The following TENM4 variants were observed in gnomAD, a reference collection of about 807,000 sequenced individuals.
TENM4 encodes teneurin transmembrane protein 4, also known as teneurin-4.
Under a neutral mutation model 243.3 loss-of-function variants are expected in TENM4, and 82 were observed. The ratio of observed to expected loss-of-function variants is 0.34; its 90% CI spans 0.28 to 0.40. TENM4 has a LOEUF of 0.40. TENM4 is among the 10% of genes least tolerant of loss of function. TENM4 has a pLI of 1.00. For synonymous variants in TENM4, 1,412 were observed against 1,456.3 expected (o/e 0.97, Z 0.69); for missense variants, 3,138 against 3,673.3 (o/e 0.85, Z 3.77).
rs1280563765 is a variant in TENM4 at position 78,974,703 on chromosome 11, T to G, written c.494-71180A>C. On this transcript the variant is annotated intron_variant, in intron 6 of 33. Transcript: ENST00000278550. ...CTCCCTTTCTTTCTTTTTCTTTTCT[T>G]TCTGTTTTTCTTTTCTTTTCTTTTT... Among the ~76,000 whole-genome samples the G allele has an allele frequency of 6.1e-5, 9 of 148,658 alleles. No individual in the cohort carries two copies. The Middle Eastern group carries it at 0.01, about 170-fold the overall frequency.
chr11:78,882,166 G>T, intron 9 of TENM4, among the ~76,000 whole-genome samples: 1 of 152,290 alleles, frequency 6.6e-6, no homozygotes, highest in South Asian at 2.1e-4. Flanking sequence ...CTAGGCCCAA[G>T]TGTAATAGGC....
At chr11:79,390,456 T>A (rs1858208961) in intron 1 of TENM4, among the ~76,000 whole-genome samples, 1 of 152,224 alleles carries the variant, frequency 6.6e-6, no homozygotes, top group Non-Finnish European at 1.5e-5. Flanking sequence ...AGAACCAAAT[T>A]GTGCTTTAAT....
intron 2 of TENM4, among the ~76,000 whole-genome samples, chr11:79,232,529 C>T (rs1029295014): frequency 1.3e-5 from 2 of 152,200 alleles, no homozygotes; most frequent in Non-Finnish European, 2.9e-5. Context: ...CATTTATTAT[C>T]TGCTCCTACC....
chr11:79,432,019 G>A (rs993192967), intron 1 of TENM4, among the ~76,000 whole-genome samples: 1 of 152,178 alleles, frequency 6.6e-6, no homozygotes, highest in African/African-American at 2.4e-5. Context: ...TGGCTGTTGA[G>A]CACTTGAAAT....
At chr11:79,185,979 T>C (rs911843576) in intron 3 of TENM4, among the ~76,000 whole-genome samples, 1 of 152,204 alleles carries the variant, frequency 6.6e-6, no homozygotes, top group African/African-American at 2.4e-5. Context: ...AAGGGTTAGT[T>C]TCATTGTCCC....
At chr11:79,241,663 C>T (rs1232490359) in intron 2 of TENM4, among the ~76,000 whole-genome samples, 1 of 152,154 alleles carries the variant, frequency 6.6e-6, no homozygotes, top group Non-Finnish European at 1.5e-5. Context: ...TCACTACACG[C>T]AGCATGCATT....
chr11:78,957,058 C>T (rs1857220358), intron 6 of TENM4, among the ~76,000 whole-genome samples: 1 of 152,166 alleles, frequency 6.6e-6, no homozygotes, highest in Non-Finnish European at 1.5e-5. Context: ...CATCCACAAA[C>T]ATTTAAAATG....
intron 1 of TENM4, among the ~76,000 whole-genome samples, chr11:79,354,921 A>G (rs1395662901): frequency 6.6e-6 from 1 of 152,222 alleles, no homozygotes; most frequent in African/African-American, 2.4e-5. Context: ...AAGAATTTCC[A>G]TATGTATGAT....
intron 31 of TENM4, 93 bp downstream of exon 31, chr11:78,671,940 A>T (rs1565325659): frequency 3.4e-6 from 5 of 1,451,884 alleles, no homozygotes; most frequent in Non-Finnish European, 4.6e-6. Flanking sequence ...CATGGGTCAG[A>T]TACAGCCCAC....
At chr11:78,731,068 T>C (rs1333991847) in intron 21 of TENM4, among the ~76,000 whole-genome samples, 3 of 152,226 alleles carry the variant, frequency 2.0e-5, no homozygotes, top group African/African-American at 7.2e-5. Flanking sequence ...GTGTATTTCA[T>C]GAATCTGATA....
chr11:79,016,191 TA>T (rs1030654781), intron 6 of TENM4, among the ~76,000 whole-genome samples: 9 of 152,124 alleles, frequency 5.9e-5, no homozygotes, highest in Non-Finnish European at 1.3e-4. Flanking sequence ...ATCTATTGTA[TA>T]GGGGGCAAGA....
At chr11:79,370,314 T>C (rs1489914511) in intron 1 of TENM4, among the ~76,000 whole-genome samples, 6 of 152,176 alleles carry the variant, frequency 3.9e-5, no homozygotes, top group African/African-American at 1.4e-4. Flanking sequence ...GTCTTCCAAC[T>C]TCACAGGTGC....
rs534256818 is a variant in TENM4, at chr11:79,191,841, C to G, written c.-163+23967G>C. On this transcript the variant is annotated intron_variant, in intron 3 of 33. Coordinates refer to ENST00000278550, the MANE Select transcript of TENM4 (RefSeq NM_001098816.3). ...GCCCCGTCTGAGAAGTGAGGAGACC[C>G]TCTGCCTGGCAACCGCCCCGTCTGA... 4.8e-4 allele frequency: 91 copies of G among 188,884 alleles called. 1 individual carries two copies. The highest frequency in any genetic ancestry group is 2.1e-3 in the African/African-American group (88 of 41,516). The allele number at this position is 188,884 out of a possible 1,614,324, so 11.7% of individuals were successfully genotyped here.
At chr11:78,661,741 A>G in intron 32 of TENM4, 150 bp from the exon 33 acceptor site, 3 of 1,046,162 alleles carry the variant, frequency 2.9e-6, no homozygotes, top group South Asian at 3.2e-5. Flanking sequence ...TACACTTTTC[A>G]TTCTATGAAA....
At chr11:79,283,792 G>A (rs1291691280) in intron 2 of TENM4, among the ~76,000 whole-genome samples, 1 of 151,988 alleles carries the variant, frequency 6.6e-6, no homozygotes, top group Admixed American at 6.5e-5. Flanking sequence ...TCAATAACAA[G>A]GTCTTATATA....
intron 9 of TENM4, among the ~76,000 whole-genome samples, chr11:78,885,194 G>A (rs556499470): frequency 1.6e-4 from 24 of 152,222 alleles, no homozygotes; most frequent in African/African-American, 5.5e-4. Context: ...CATGTAACCT[G>A]CACAACAGCC....
chr11:78,810,011 G>A (rs1287489039), intron 14 of TENM4, among the ~76,000 whole-genome samples: 2 of 152,006 alleles, frequency 1.3e-5, no homozygotes, highest in African/African-American at 4.8e-5. Flanking sequence ...TACTGGCTGC[G>A]TTCAAGCTTT....
At chr11:78,985,247 T>C (rs1857890983) in intron 6 of TENM4, among the ~76,000 whole-genome samples, 1 of 152,146 alleles carries the variant, frequency 6.6e-6, no homozygotes, top group South Asian at 2.1e-4. Context: ...GATGTACACA[T>C]GCCATACAGA....
intron 4 of TENM4, among the ~76,000 whole-genome samples, chr11:79,144,657 G>A (rs1349994613): frequency 6.6e-6 from 1 of 152,000 alleles, no homozygotes; most frequent in Non-Finnish European, 1.5e-5. Context: ...AGGATATTAT[G>A]TTAAGCAAAA....
Sources: gnomAD v4.1 joint callset for allele counts (sites outside exome capture counted in the v4.1 genomes callset) on GRCh38, gnomAD v4.1.1 for gene constraint, MANE v1.5 for transcripts, NCBI Gene and HGNC (gene_info 2026-07-23, HGNC 2026-07-21) for gene names.